Variants in AKAP13 observed in about 807,000 individuals in gnomAD.
The protein encoded by AKAP13 is A-kinase anchor protein 13.
AKAP13 carries 80 observed loss-of-function variants against 264.5 expected under a neutral mutation model. The ratio of observed to expected loss-of-function variants is 0.30; its 90% confidence interval spans 0.25 to 0.36. The LOEUF is 0.36. Among genes scored for constraint, AKAP13 ranks in the 10% least tolerant of loss-of-function variants. The pLI is 1.00. For synonymous variants in AKAP13, 1,380 were observed against 1,250.2 expected, an observed-to-expected ratio of 1.10 and a Z score of -2.19; for missense variants, 3,712 against 3,435.2, an observed-to-expected ratio of 1.08 and a Z score of -2.01.
At chr15:85,648,697 G>A (rs1299880965) in intron 10 of AKAP13, among the ~76,000 whole-genome samples, 1 of 152,146 alleles carries the variant, frequency 6.6e-6, no homozygotes, top group Non-Finnish European at 1.5e-5. Flanking sequence ...AAATTAGCCA[G>A]ACATGGTGGT....
intron 12 of AKAP13, among the ~76,000 whole-genome samples, chr15:85,661,044 G>T (rs959498509): frequency 6.6e-6 from 1 of 152,104 alleles, no homozygotes; most frequent in Non-Finnish European, 1.5e-5. Context: ...TTATTGAGCC[G>T]AGTGTTTTTA....
At chr15:85,399,502 CAAAAAAAAAA>C (rs71138392) in intron 1 of AKAP13, among the ~76,000 whole-genome samples, 7 of 77,074 alleles carry the variant, frequency 9.1e-5, no homozygotes, top group East Asian at 3.8e-4. Flanking sequence ...GACTCCGTCT[CAAAAAAAAAA>C]AAAAAAAAAA....
At chr15:85,544,015 A>T in intron 5 of AKAP13, 60 bp downstream of exon 5, 1 of 1,584,152 alleles carries the variant, frequency 6.3e-7, no homozygotes, top group Non-Finnish European at 8.7e-7. Flanking sequence ...CCCGATTCAT[A>T]GGAGTACCAC....
chr15:85,720,060 G>C (rs1407829989), intron 23 of AKAP13, among the ~76,000 whole-genome samples: 1 of 152,012 alleles, frequency 6.6e-6, no homozygotes, highest in Non-Finnish European at 1.5e-5. Context: ...ACCAAGAGCT[G>C]TCTCTACAAA....
At chr15:85,546,259 T>C (rs926989569) in intron 5 of AKAP13, among the ~76,000 whole-genome samples, 2 of 151,914 alleles carry the variant, frequency 1.3e-5, no homozygotes, top group African/African-American at 4.8e-5. Context: ...TTCTATGGTA[T>C]ATACATAGAT....
intron 1 of AKAP13, among the ~76,000 whole-genome samples, chr15:85,448,307 A>G (rs924523453): frequency 1.3e-5 from 2 of 152,098 alleles, no homozygotes; most frequent in African/African-American, 4.8e-5. Context: ...ATTTTCTCCC[A>G]TTCTGTAGAT....
chr15:85,677,851 T>C (rs987444822), intron 14 of AKAP13, among the ~76,000 whole-genome samples: 28 of 152,116 alleles, frequency 1.8e-4, no homozygotes, highest in Non-Finnish European at 3.4e-4. Flanking sequence ...GGTTTCACCA[T>C]GTTATCCAGC....
At chr15:85,582,632 T>C (rs2079171183) in intron 7 of AKAP13, among the ~76,000 whole-genome samples, 1 of 151,482 alleles carries the variant, frequency 6.6e-6, no homozygotes, top group Non-Finnish European at 1.5e-5. Context: ...TCCAAAATGG[T>C]GGTATTAGGT....
chr15:85,616,384 A>G (rs892454832), intron 8 of AKAP13, among the ~76,000 whole-genome samples: 1 of 152,224 alleles, frequency 6.6e-6, no homozygotes, highest in African/African-American at 2.4e-5. Flanking sequence ...TAGCTAAATT[A>G]AGATGTATAA....
chr15:85,632,403 A>G (rs1237714943), intron 8 of AKAP13, among the ~76,000 whole-genome samples: 1 of 152,192 alleles, frequency 6.6e-6, no homozygotes, highest in Non-Finnish European at 1.5e-5. Context: ...TATCTTTATA[A>G]TACTGGACAG....
rs754629277 is a variant in AKAP13 at position 85,533,756 on chromosome 15, T to A, written c.354T>A (p.Phe118Leu). 16 of 1,614,188 alleles carry A rather than the reference T, an allele frequency of 9.9e-6. No homozygotes were observed. In the South Asian group the frequency reaches 1.8e-4, roughly 18 times the overall value. The change falls in exon 4 of 37, where the codon TTT becomes TTA. Residue 118 changes from phenylalanine to leucine, a missense_variant. This residue lies in a region of AKAP13 where 2,759 missense variants were observed against 2,411.7 expected (regional missense o/e 1.14). Transcript: ENST00000394518. ...AGCAGGCTTTGAACTTTACCCGTTTTCTTGACCAGTCAGGACCCCCATCTG... is the reference window on the plus strand; with the variant it reads ...AGCAGGCTTTGAACTTTACCCGTTTACTTGACCAGTCAGGACCCCCATCTG... ...GNQQALNFTRFLDQSGPPSGD... is the reference protein window; with the variant it reads ...GNQQALNFTRLLDQSGPPSGD...
At chr15:85,393,258 A>G (rs1312630393) in intron 1 of AKAP13, among the ~76,000 whole-genome samples, 1 of 152,258 alleles carries the variant, frequency 6.6e-6, no homozygotes, top group Non-Finnish European at 1.5e-5. Context: ...CTGGGCTCAG[A>G]ATAGAAAGGA....
chr15:85,507,382 C>CCA (rs2076263702), intron 2 of AKAP13, among the ~76,000 whole-genome samples: 1 of 76,638 alleles, frequency 1.3e-5, no homozygotes, highest in African/African-American at 4.0e-5. Flanking sequence ...TTTTGTGCTA[C>CCA]CAAAAAAAAA....
intron 16 of AKAP13, among the ~76,000 whole-genome samples, chr15:85,687,208 A>G (rs2084986189): frequency 6.9e-6 from 1 of 145,306 alleles, no homozygotes; most frequent in Non-Finnish European, 1.6e-5. Context: ...TGTATGCTTC[A>G]TGTCACACAA....
At chr15:85,709,298 A>C (rs1310494187) in intron 18 of AKAP13, among the ~76,000 whole-genome samples, 96 of 152,058 alleles carry the variant, frequency 6.3e-4, no homozygotes, top group Non-Finnish European at 7.4e-5. Flanking sequence ...ATTATTATAT[A>C]GTTTTTTATA....
chr15:85,738,844 C>CAAAAAA (rs71468137), intron 33 of AKAP13, among the ~76,000 whole-genome samples: 1 of 72,406 alleles, frequency 1.4e-5, no homozygotes. Context: ...GACTCCGTCT[C>CAAAAAA]AAAAAAAAAA....
rs2087112188 is a variant in AKAP13, at chr15:85,718,799, C to CT, written c.6002-276dup. ...CCTGCAGCCCCAGCTGCTCGAGAGG[C>CT]TAAAGCAGAAAGATCGCTTGAGCCC... is the stretch of plus-strand genomic sequence containing the variant. On this transcript the variant is annotated intron_variant, in intron 22 of 36. Transcript: ENST00000394518. The surrounding 1 kb of genome is among the most constrained non-coding windows in gnomAD (Gnocchi z 4.9). 5.1e-6 allele frequency: 2 copies of CT among 388,424 alleles called. No homozygotes were observed. The highest frequency in any genetic ancestry group is 5.6e-5 in the East Asian group (1 of 17,922). The allele number at this position is 388,424 out of a possible 1,614,324, so 24.1% of individuals were successfully genotyped here. A position where few individuals can be genotyped will look rare whatever the true frequency, so the allele number is the denominator to read the frequency against.
At chr15:85,477,289 A>G (rs1417388968) in intron 1 of AKAP13, among the ~76,000 whole-genome samples, 2 of 151,812 alleles carry the variant, frequency 1.3e-5, no homozygotes, top group Non-Finnish European at 2.9e-5. Flanking sequence ...TCAAGTCTAC[A>G]AGCAGAGACA....
intron 1 of AKAP13, among the ~76,000 whole-genome samples, chr15:85,422,538 GTTTTT>G (rs1173912322): frequency 6.6e-6 from 1 of 152,158 alleles, no homozygotes; most frequent in Admixed American, 6.5e-5. Flanking sequence ...TTGAACAGAG[GTTTTT>G]TGTTTTGTTT....
Sources: allele counts gnomAD v4.1 joint callset (sites outside exome capture counted in the v4.1 genomes callset), GRCh38; gene constraint gnomAD v4.1.1; regional missense constraint gnomAD v4.1.1; non-coding constraint Gnocchi (gnomAD v3.1); transcripts MANE v1.5; gene names NCBI Gene and HGNC (gene_info 2026-07-23, HGNC 2026-07-21).